Variants in CAMK2B observed in about 807,000 individuals in gnomAD.
CAMK2B encodes the protein calcium/calmodulin dependent protein kinase II beta.
In CAMK2B, 27 loss-of-function variants were observed where a neutral mutation model predicts 93.7. That is an observed-to-expected ratio of 0.29 (90% CI 0.21 to 0.40). The LOEUF is 0.40. Ranked by LOEUF, CAMK2B falls within the 10% of genes least tolerant of loss-of-function variation. CAMK2B has a pLI of 1.00. For synonymous variants in CAMK2B, 374 were observed against 358.8 expected, an observed-to-expected ratio of 1.04 and a Z score of -0.48; for missense variants, 568 against 895.8, an observed-to-expected ratio of 0.63 and a Z score of 4.67.
intron 20 of CAMK2B, among the ~76,000 whole-genome samples, chr7:44,222,180 A>G (rs1186955573): frequency 3.9e-5 from 6 of 152,196 alleles, no homozygotes; most frequent in Non-Finnish European, 7.3e-5. Context: ...TCAAACCCCC[A>G]GAAGTGCACC....
chr7:44,319,374 A>G (rs560753331), intron 1 of CAMK2B, among the ~76,000 whole-genome samples: 1 of 151,926 alleles, frequency 6.6e-6, no homozygotes, highest in Admixed American at 6.6e-5. Flanking sequence ...CTCAATATAG[A>G]CTCTTTAAAG....
Position 44,225,378 on chromosome 7 carries a change from AGCT to A in CAMK2B, c.1597+1135_1597+1137del, listed in dbSNP as rs2128880136. ...AGAGGCTCTGCGGTGCACCCACCCC[AGCT>A]GCACGGCGGCCCCTCCCCATGCCTC... On this transcript the variant is annotated intron_variant, in intron 20 of 23. Coordinates refer to ENST00000395749, the MANE Select transcript of CAMK2B (RefSeq NM_001220.5). This position sits in a 1 kb window ranked among gnomAD's most constrained non-coding sequence, Gnocchi z 5.0. Among the ~76,000 whole-genome samples the A allele has an allele frequency of 6.6e-6, 1 of 152,102 alleles. No homozygotes were observed. The highest frequency in any genetic ancestry group is 2.4e-5 in the African/African-American group (1 of 41,500).
intron 1 of CAMK2B, among the ~76,000 whole-genome samples, chr7:44,315,657 ATAC>A (rs1352633738): frequency 6.6e-6 from 1 of 152,230 alleles, no homozygotes; most frequent in East Asian, 1.9e-4. Context: ...AATTTGGAGT[ATAC>A]TACTATTTAA....
chr7:44,219,892 G>A (rs183029587), intron 23 of CAMK2B, among the ~76,000 whole-genome samples, 168 bp downstream of exon 23: 357 of 152,194 alleles, frequency 2.3e-3, no homozygotes, highest in African/African-American at 4.1e-3. Context: ...CCAGCCTGCC[G>A]TGGTCCCTAA....
rs1485315783 is a variant in CAMK2B at position 44,271,925 on chromosome 7, T to C, written c.161-8861A>G. 6.6e-6 allele frequency among the ~76,000 whole-genome samples: 1 copy of C among 152,240 alleles called. No homozygotes were observed. Among genetic ancestry groups the C allele is most frequent in the African/African-American group, 2.4e-5 (1 of 41,474 alleles). On this transcript the variant is annotated intron_variant, in intron 2 of 23. Coordinates refer to ENST00000395749, the MANE Select transcript of CAMK2B (RefSeq NM_001220.5). The surrounding 1 kb of genome is among the most constrained non-coding windows in gnomAD (Gnocchi z 4.2). The stretch of plus-strand genomic sequence containing the variant: ...ACTTCTGTGTGCTGAGGACTGGCTC[T>C]GGGCAGGCCTGTGAGCTGCTCATGG...
At chr7:44,235,386 G>A (rs571412454) in intron 13 of CAMK2B, among the ~76,000 whole-genome samples, 3 of 152,338 alleles carry the variant, frequency 2.0e-5, no homozygotes, top group African/African-American at 4.8e-5. Flanking sequence ...TCCCAGCAGC[G>A]GGGCCCCTGC....
chr7:44,233,994 C>T (rs1406867400), intron 15 of CAMK2B, among the ~76,000 whole-genome samples: 2 of 152,188 alleles, frequency 1.3e-5, no homozygotes, highest in East Asian at 1.9e-4. Flanking sequence ...GTCTGTGGGT[C>T]GGCCTGTTGA....
chr7:44,228,258 T>C (rs2096539295), intron 19 of CAMK2B, among the ~76,000 whole-genome samples: 1 of 152,068 alleles, frequency 6.6e-6, no homozygotes, highest in Admixed American at 6.5e-5. Flanking sequence ...TGATTCTCCG[T>C]ACTATCCCCT....
Position 44,289,820 on chromosome 7 carries a change from G to A in CAMK2B, c.66-5595C>T, listed in dbSNP as rs1426415701. Among the ~76,000 whole-genome samples, 19 of 152,244 alleles carry A rather than the reference G, an allele frequency of 1.2e-4. 1 individual carries two copies. The highest frequency in any genetic ancestry group is 4.3e-4 in the African/African-American group (18 of 41,480). ...CTCCCGCAGGGCAGCGCTGGGCCAC[G>A]CAGGATCAAAGCGGCCTCTGAGTCG... is the stretch of plus-strand genomic sequence containing the variant. On this transcript the variant is annotated intron_variant, in intron 1 of 23. Coordinates refer to ENST00000395749, the MANE Select transcript of CAMK2B (RefSeq NM_001220.5).
intron 10 of CAMK2B, 152 bp downstream of exon 10, chr7:44,242,066 C>T: frequency 1.1e-6 from 1 of 899,362 alleles, no homozygotes; most frequent in Non-Finnish European, 1.7e-6. Context: ...CTGGTATGTC[C>T]CAAGCCAGAG....
At chr7:44,242,390 A>C (rs752349804) in intron 9 of CAMK2B, 50 bp from the exon 10 acceptor site, 24 of 1,593,902 alleles carry the variant, frequency 1.5e-5, no homozygotes, top group Admixed American at 3.4e-5. Flanking sequence ...CCTCTCAGGC[A>C]GGGGCAAGAA....
At chr7:44,231,159 C>A in intron 16 of CAMK2B, 105 bp from the exon 17 acceptor site, 1 of 830,006 alleles carries the variant, frequency 1.2e-6, no homozygotes, top group Non-Finnish European at 1.9e-6. Context: ...CCAGCCCAGG[C>A]TCTGAAGCTG....
Position 44,232,879 on chromosome 7 carries a change from G to A in CAMK2B, c.1132-13C>T. 2 of 1,612,974 alleles carry A rather than the reference G, an allele frequency of 1.2e-6. No individual in the cohort carries two copies. Among genetic ancestry groups the A allele is most frequent in the Non-Finnish European group, 1.7e-6 (2 of 1,178,992 alleles). ...TGGTTTGAGGCTCCTACAGAAGAAG[G>A]AAGACACAGAGGAAGGAAAGAGAGG... On this transcript the variant is annotated splice_polypyrimidine_tract_variant and intron_variant, in intron 15 of 23. Coordinates refer to ENST00000395749, the MANE Select transcript of CAMK2B (RefSeq NM_001220.5).
intron 3 of CAMK2B, among the ~76,000 whole-genome samples, chr7:44,259,768 T>C (rs2096864277): frequency 6.6e-6 from 1 of 152,094 alleles, no homozygotes; most frequent in Non-Finnish European, 1.5e-5. Flanking sequence ...GCAGCAAATA[T>C]TTTCTAGGAA....
chr7:44,301,734 G>A (rs1467473331), intron 1 of CAMK2B, among the ~76,000 whole-genome samples: 2 of 151,598 alleles, frequency 1.3e-5, no homozygotes, highest in East Asian at 1.9e-4. Flanking sequence ...CCGAGATCGC[G>A]CCACTGCACT....
At chr7:44,241,367 T>C (rs139929085) in intron 11 of CAMK2B, among the ~76,000 whole-genome samples, 1 of 152,200 alleles carries the variant, frequency 6.6e-6, no homozygotes, top group Admixed American at 6.5e-5. Context: ...CGGACTTGCT[T>C]GTACTAAACA....
intron 15 of CAMK2B, among the ~76,000 whole-genome samples, chr7:44,234,145 G>A (rs747821006): frequency 3.3e-5 from 5 of 152,258 alleles, no homozygotes; most frequent in Admixed American, 2.0e-4. Flanking sequence ...CCCAACATCT[G>A]TGGGTCTCAG....
chr7:44,242,784 C>A (rs775108084), intron 8 of CAMK2B, 130 bp from the exon 9 acceptor site: 2 of 662,142 alleles, frequency 3.0e-6, no homozygotes, highest in Non-Finnish European at 5.4e-6. Context: ...CATTCCTTTG[C>A]CCCCACCTGT....
At chr7:44,282,696 G>A (rs933216455) in intron 2 of CAMK2B, among the ~76,000 whole-genome samples, 5 of 152,210 alleles carry the variant, frequency 3.3e-5, no homozygotes, top group Non-Finnish European at 7.3e-5. Flanking sequence ...CACAGCAGTC[G>A]CTCAAACAAC....
Sources: gnomAD v4.1 joint callset for allele counts (sites outside exome capture counted in the v4.1 genomes callset) on GRCh38, gnomAD v4.1.1 for gene constraint, Gnocchi (gnomAD v3.1) non-coding constraint, MANE v1.5 for transcripts, NCBI Gene and HGNC (gene_info 2026-07-23, HGNC 2026-07-21) for gene names.